The following TBC1D13 variants were observed in gnomAD, a reference collection of about 807,000 sequenced individuals.
TBC1D13 encodes epididymis secretory sperm binding protein.
Under a neutral mutation model 53.6 loss-of-function variants are expected in TBC1D13, and 40 were observed. That is an observed-to-expected ratio of 0.75 (90% confidence interval 0.58 to 0.97). The LOEUF (loss-of-function observed/expected upper bound fraction) is 0.97, where lower values mean the gene tolerates loss of function less well. TBC1D13 is among the 50% of genes least tolerant of loss of function. The pLI, the probability that TBC1D13 is intolerant of heterozygous loss-of-function variation, is 0.00. For synonymous variants in TBC1D13, 182 were observed against 197.7 expected, an observed-to-expected ratio of 0.92 and a Z score of 0.67; for missense variants, 377 against 499.4, an observed-to-expected ratio of 0.75 and a Z score of 2.34.
intron 11 of TBC1D13, 33 bp from the exon 12 acceptor site, chr9:128,807,781 C>T (rs1829864459): frequency 1.2e-6 from 2 of 1,612,338 alleles, no homozygotes; most frequent in East Asian, 4.5e-5. Context: ...GAAGTGGCTT[C>T]AGAGGCAACT....
At position 128,808,540 on chromosome 9, in the gene TBC1D13, C is replaced by T. The variant is rs758653136; in HGVS notation, c.*661C>T. On this transcript the variant is annotated 3_prime_UTR_variant, in exon 12 of 12. Coordinates refer to ENST00000372648, the MANE Select transcript of TBC1D13 (RefSeq NM_018201.5). ...CCTCTCTGCCTGTCTCCTTCCACCTCCTTCCCAGAGTGGGACTGTGTCTTG... is the reference window on the plus strand; with the variant it reads ...CCTCTCTGCCTGTCTCCTTCCACCTTCTTCCCAGAGTGGGACTGTGTCTTG... 22 of 157,828 alleles carry T rather than the reference C, an allele frequency of 1.4e-4. No homozygotes were observed. Among genetic ancestry groups the T allele is most frequent in the Non-Finnish European group, 2.0e-4 (14 of 71,784 alleles). 9.8% of individuals were successfully genotyped at this position (157,828 alleles called of 1,614,324 possible). A position where few individuals can be genotyped will look rare whatever the true frequency, so the allele number is the denominator to read the frequency against.
At chr9:128,798,814 G>A (rs957932382) in intron 7 of TBC1D13, among the ~76,000 whole-genome samples, 3 of 152,186 alleles carry the variant, frequency 2.0e-5, no homozygotes, top group Non-Finnish European at 2.9e-5. Context: ...CAACAAGCTA[G>A]GGCAGATACT....
At chr9:128,797,018 T>G (rs1829642509) in intron 6 of TBC1D13, 37 bp from the exon 7 acceptor site, 2 of 1,609,948 alleles carry the variant, frequency 1.2e-6, no homozygotes, top group East Asian at 4.5e-5. Flanking sequence ...AACTTCCACC[T>G]TGAGTAACAA....
In TBC1D13 at chr9:128,810,375, G is replaced by C. The variant is rs1829926884; in HGVS notation, c.*2496G>C. ...TTTTTTCATCTGTTTTGTTCCTTGA[G>C]TCAGTGCTGTTGATGACGAGTTGTC... On this transcript the variant is annotated 3_prime_UTR_variant, in exon 12 of 12. Transcript: ENST00000372648. The C allele has an allele frequency of 6.6e-6, 1 of 152,276 alleles. No homozygotes were observed. Among genetic ancestry groups the C allele is most frequent in the African/African-American group, 2.4e-5 (1 of 41,462 alleles). The allele number at this position is 152,276 out of a possible 1,614,324, so 9.4% of individuals were successfully genotyped here. A position where few individuals can be genotyped will look rare whatever the true frequency, so the allele number is the denominator to read the frequency against.
chr9:128,789,749 G>A (rs1486490519), intron 2 of TBC1D13: 1 of 147,986 alleles, frequency 6.8e-6, no homozygotes, highest in Non-Finnish European at 1.5e-5. Context: ...GTCCTTCTGG[G>A]GCTTACCCAG....
At position 128,808,101 on chromosome 9, in the gene TBC1D13, G is replaced by A; in HGVS notation, c.*222G>A. On this transcript the variant is annotated 3_prime_UTR_variant, in exon 12 of 12. Transcript: ENST00000372648. ...CTCTGCCCTCTTTGCCCAGGATACT[G>A]AGGAGGGCTGGAGCTCGGGAAGTTG... 1.8e-6 allele frequency: 1 copy of A among 549,818 alleles called. No homozygotes were observed. The highest frequency in any genetic ancestry group is 3.3e-6 in the Non-Finnish European group (1 of 304,114). 34.1% of individuals were successfully genotyped at this position (549,818 alleles called of 1,614,324 possible). A position where few individuals can be genotyped will look rare whatever the true frequency, so the allele number is the denominator to read the frequency against.
intron 6 of TBC1D13, among the ~76,000 whole-genome samples, chr9:128,796,654 T>C (rs1464926097): frequency 3.3e-5 from 5 of 151,974 alleles, no homozygotes; most frequent in Admixed American, 6.6e-5. Context: ...AAACAAACAA[T>C]GCTGGCCAGG....
chr9:128,807,868 G>C lies in TBC1D13; in HGVS notation c.1192G>C (p.Asp398His), dbSNP rs1269031184. 1.2e-6 allele frequency: 2 copies of C among 1,614,204 alleles called. No individual in the cohort carries two copies. The highest frequency in any genetic ancestry group is 2.2e-5 in the South Asian group (2 of 91,088). The change falls in exon 12 of 12, where the codon GAC becomes CAC. Residue 398 changes from aspartate to histidine, a missense_variant. Physicochemically the swap from Asp to His is moderately conservative, Grantham distance 81. Coordinates refer to ENST00000372648, the MANE Select transcript of TBC1D13 (RefSeq NM_018201.5). ...QILQKAKELQ[D>H]SK Reference sequence around the variant, plus strand: ...CCTGCAGAAAGCCAAGGAGCTCCAAGACTCAAAGTAGCCCGGCGGCAAGAG... The same window carrying C: ...CCTGCAGAAAGCCAAGGAGCTCCAACACTCAAAGTAGCCCGGCGGCAAGAG...
intron 7 of TBC1D13, among the ~76,000 whole-genome samples, chr9:128,799,859 A>G (rs1829700718): frequency 6.6e-6 from 1 of 152,138 alleles, no homozygotes; most frequent in South Asian, 2.1e-4. Flanking sequence ...GTCTCTACTA[A>G]AAATACAAAA....
At position 128,803,290 on chromosome 9, in the gene TBC1D13, A is replaced by G; in HGVS notation, c.584A>G (p.Asn195Ser). Residue 195 changes from asparagine (N) to serine (S), a missense_variant, in exon 8 of 12, where the codon AAT becomes AGT. Asn to Ser is a conservative substitution (Grantham distance 46). Coordinates refer to ENST00000372648, the MANE Select transcript of TBC1D13 (RefSeq NM_018201.5). ...PHKNSVPSSL[N>S]EYEVLPNGCE... ...AAGAACTCTGTGCCATCATCCCTAA[A>G]TGAGTATGAGGTGCTGCCCAATGGC... 1.2e-6 allele frequency: 2 copies of G among 1,614,124 alleles called. No individual in the cohort carries two copies. Among genetic ancestry groups the G allele is most frequent in the Non-Finnish European group, 1.7e-6 (2 of 1,180,024 alleles).
intron 2 of TBC1D13, among the ~76,000 whole-genome samples, chr9:128,789,327 A>AAAG (rs890375524): frequency 6.6e-6 from 1 of 151,322 alleles, no homozygotes; most frequent in South Asian, 2.1e-4. Context: ...AAAAAAAAAA[A>AAAG]AAAAAAAAAG....
At chr9:128,788,514 G>A (rs1487905285) in intron 2 of TBC1D13, 107 bp downstream of exon 2, 8 of 987,308 alleles carry the variant, frequency 8.1e-6, no homozygotes, top group African/African-American at 1.6e-5. Context: ...GCTGGGGGCT[G>A]GGGCCTTGGA....
intron 7 of TBC1D13, among the ~76,000 whole-genome samples, chr9:128,797,990 T>C (rs1237921454): frequency 1.3e-5 from 2 of 152,100 alleles, no homozygotes; most frequent in African/African-American, 4.8e-5. Flanking sequence ...TGGTGGCTCA[T>C]GCCTGTAATC....
At chr9:128,803,633 C>G (rs1005217086) in intron 8 of TBC1D13, among the ~76,000 whole-genome samples, 173 bp downstream of exon 8, 7 of 152,126 alleles carry the variant, frequency 4.6e-5, no homozygotes, top group African/African-American at 1.4e-4. Context: ...TTACTGATCT[C>G]TTGATATTTG....
intron 5 of TBC1D13, 60 bp downstream of exon 5, chr9:128,791,753 G>A: frequency 1.3e-6 from 2 of 1,493,582 alleles, no homozygotes; most frequent in Non-Finnish European, 1.9e-6. Context: ...GGCGGCCTTG[G>A]AGCAGGCAAG....
intron 11 of TBC1D13, among the ~76,000 whole-genome samples, chr9:128,807,161 A>G (rs1829851150): frequency 6.9e-6 from 1 of 145,766 alleles, no homozygotes; most frequent in African/African-American, 2.6e-5. Context: ...ATCTCGGTTC[A>G]CTGCAACCTC....
chr9:128,792,429 G>A (rs949383219), intron 5 of TBC1D13, 63 bp from the exon 6 acceptor site: 1 of 1,493,396 alleles, frequency 6.7e-7, no homozygotes, highest in African/African-American at 1.4e-5. Flanking sequence ...AGGTTTCCGG[G>A]ATAGAATCGG....
At chr9:128,798,686 C>T (rs950575571) in intron 7 of TBC1D13, among the ~76,000 whole-genome samples, 1 of 152,118 alleles carries the variant, frequency 6.6e-6, no homozygotes, top group East Asian at 1.9e-4. Flanking sequence ...TGTAGTCAAA[C>T]AAGTATATTA....
Position 128,787,320 on chromosome 9 carries a change from G to A in TBC1D13, c.-34G>A. On this transcript the variant is annotated 5_prime_UTR_variant, in exon 1 of 12. Transcript: ENST00000372648. ...AGCGCAGGCGGCAGAGGCGCAGGCG[G>A]CGGAGGCGGCTGGGGGGTCCGGAAG... 4 of 1,256,464 alleles carry A rather than the reference G, an allele frequency of 3.2e-6. No homozygotes were observed. Among genetic ancestry groups the A allele is most frequent in the Non-Finnish European group, 4.0e-6 (4 of 994,674 alleles). 77.8% of individuals were successfully genotyped at this position (1,256,464 alleles called of 1,614,324 possible).
Sources: gnomAD v4.1 joint callset for allele counts (sites outside exome capture counted in the v4.1 genomes callset) on GRCh38, gnomAD v4.1.1 for gene constraint, MANE v1.5 for transcripts, NCBI Gene and HGNC (gene_info 2026-07-23, HGNC 2026-07-21) for gene names.